PCDHGB2: variants seen among roughly 807,000 people sequenced by gnomAD.
The protein encoded by PCDHGB2 is protocadherin gamma-B2.
In PCDHGB2, 55 loss-of-function variants were observed where a neutral mutation model predicts 59.3. The observed-to-expected ratio is 0.93, with a 90% CI of 0.75 to 1.16. The LOEUF is 1.16. Ranked by LOEUF, PCDHGB2 falls within the 50% of genes most tolerant of loss-of-function variation. PCDHGB2 has a pLI of 0.00. For synonymous variants in PCDHGB2, 516 were observed against 512.0 expected (o/e 1.01, Z -0.11); for missense variants, 1,228 against 1,198.5 (o/e 1.02, Z -0.36).
intron 1 of PCDHGB2, among the ~76,000 whole-genome samples, chr5:141,484,544 A>G (rs1160398392): frequency 6.6e-6 from 1 of 152,144 alleles, no homozygotes; most frequent in Non-Finnish European, 1.5e-5. Flanking sequence ...CAGTGGTTCT[A>G]ATTAGCAGTT....
chr5:141,507,368 T>C (rs1446319165), intron 3 of PCDHGB2: 2 of 152,094 alleles, frequency 1.3e-5, no homozygotes, highest in Non-Finnish European at 2.9e-5. Context: ...GGGAGCCCTG[T>C]ACTTTTATTT....
chr5:141,395,961 G>C (rs1016569431), intron 1 of PCDHGB2: 1 of 151,956 alleles, frequency 6.6e-6, no homozygotes, highest in Non-Finnish European at 1.5e-5. Flanking sequence ...AAAAACAAAA[G>C]CAAAAACATT....
intron 1 of PCDHGB2, chr5:141,393,417 A>C: frequency 6.2e-7 from 1 of 1,614,032 alleles, no homozygotes; most frequent in Non-Finnish European, 8.5e-7. Context: ...CGCCCTGGAC[A>C]GGGAGGAAGA....
At chr5:141,393,259 G>GAGCACGTT (rs1561641390) in intron 1 of PCDHGB2, 2 of 1,613,874 alleles carry the variant, frequency 1.2e-6, no homozygotes, top group Non-Finnish European at 1.7e-6. Flanking sequence ...GCGGTTCCTG[G>GAGCACGTT]AGCACGTTAT....
chr5:141,456,578 C>G (rs959608396), intron 1 of PCDHGB2, among the ~76,000 whole-genome samples: 10 of 152,182 alleles, frequency 6.6e-5, no homozygotes, highest in African/African-American at 1.7e-4. Flanking sequence ...TTTCCCTGAG[C>G]CTGTCAATAA....
At chr5:141,363,723 G>T (rs1763043786) in intron 1 of PCDHGB2, among the ~76,000 whole-genome samples, 1 of 152,212 alleles carries the variant, frequency 6.6e-6, no homozygotes, top group African/African-American at 2.4e-5. Context: ...AAGGTGCATG[G>T]AGAACTGGGT....
chr5:141,390,542 G>A, intron 1 of PCDHGB2: 1 of 511,902 alleles, frequency 2.0e-6, no homozygotes, highest in South Asian at 2.4e-5. Context: ...TAACCACAAA[G>A]TGAAAGTGTT....
chr5:141,384,431 C>T (rs750392601), intron 1 of PCDHGB2: 1 of 1,614,000 alleles, frequency 6.2e-7, no homozygotes, highest in South Asian at 1.1e-5. Context: ...AACTCTGACA[C>T]TGGAGTCCTG....
chr5:141,364,403 G>C, intron 1 of PCDHGB2: 6 of 1,608,570 alleles, frequency 3.7e-6, no homozygotes, highest in Non-Finnish European at 5.1e-6. Context: ...GACGCTGTGC[G>C]AGCCAGGATC....
At position 141,487,010 on chromosome 5, in the gene PCDHGB2, GC is replaced by G. The variant is rs2099638172; in HGVS notation, c.2422-7793del. ...TTGGGTTTCCTATCAGCTCCTGGAG[GC>G]CCCAGATCCCAGCCTGTTTGCAGTC... is the stretch of plus-strand genomic sequence containing the variant. On this transcript the variant is annotated intron_variant, in intron 1 of 3. Coordinates refer to ENST00000522605, the MANE Select transcript of PCDHGB2 (RefSeq NM_018923.3). This position sits in a 1 kb window ranked among gnomAD's most constrained non-coding sequence, Gnocchi z 5.0. 6.2e-7 allele frequency: 1 copy of G among 1,614,096 alleles called. No individual in the cohort carries two copies. Among genetic ancestry groups the G allele is most frequent in the Non-Finnish European group, 8.5e-7 (1 of 1,180,056 alleles).
At chr5:141,371,321 T>C (rs1767663616) in intron 1 of PCDHGB2, 4 of 1,613,816 alleles carry the variant, frequency 2.5e-6, no homozygotes, top group Non-Finnish European at 3.4e-6. Context: ...AACTGGACTT[T>C]GAAGAGAGAG....
chr5:141,475,116 C>G (rs1383017919), intron 1 of PCDHGB2, among the ~76,000 whole-genome samples: 2 of 152,128 alleles, frequency 1.3e-5, no homozygotes, highest in African/African-American at 4.8e-5. Context: ...GTAAATAGGC[C>G]TGGCTTTTTT....
intron 1 of PCDHGB2, among the ~76,000 whole-genome samples, chr5:141,481,063 C>T (rs2154578481): frequency 6.6e-6 from 1 of 151,952 alleles, no homozygotes; most frequent in Middle Eastern, 3.4e-3. Context: ...ACCTCAAAAA[C>T]AAAAAGAAAG....
intron 1 of PCDHGB2, among the ~76,000 whole-genome samples, chr5:141,482,257 T>C (rs2099555476): frequency 1.3e-5 from 2 of 152,156 alleles, no homozygotes; most frequent in Admixed American, 1.3e-4. Context: ...ACTGTACATA[T>C]TAGTTGTTTA....
intron 1 of PCDHGB2, chr5:141,423,945 A>T (rs931771609): frequency 4.1e-6 from 5 of 1,207,688 alleles, no homozygotes; most frequent in Non-Finnish European, 4.1e-6. Context: ...AGTAAGTTGA[A>T]TTTTAGTATT....
intron 1 of PCDHGB2, chr5:141,374,905 C>T (rs756655009): frequency 1.2e-6 from 2 of 1,613,616 alleles, no homozygotes; most frequent in Non-Finnish European, 8.5e-7. Flanking sequence ...AAGGAGTCCA[C>T]GGGGAAGTAA....
intron 1 of PCDHGB2, among the ~76,000 whole-genome samples, chr5:141,456,969 A>G (rs2098901241): frequency 1.4e-5 from 2 of 147,268 alleles, no homozygotes; most frequent in Non-Finnish European, 3.1e-5. Flanking sequence ...TCTCAAAACA[A>G]AACAAACAAA....
At chr5:141,388,261 T>C in intron 1 of PCDHGB2, 1 of 1,611,348 alleles carries the variant, frequency 6.2e-7, no homozygotes. Flanking sequence ...ATCGAGGACA[T>C]TAATGACCAC....
chr5:141,467,788 A>G (rs2099151778), intron 1 of PCDHGB2, among the ~76,000 whole-genome samples: 1 of 152,020 alleles, frequency 6.6e-6, no homozygotes. Flanking sequence ...CCTCTCAAGT[A>G]GCTGGGACTA....
Sources: gnomAD v4.1 joint callset for allele counts (sites outside exome capture counted in the v4.1 genomes callset) on GRCh38, gnomAD v4.1.1 for gene constraint, Gnocchi (gnomAD v3.1) non-coding constraint, MANE v1.5 for transcripts, NCBI Gene and HGNC (gene_info 2026-07-23, HGNC 2026-07-21) for gene names.